The following ERI3 variants were observed in gnomAD, a reference collection of about 807,000 sequenced individuals.
ERI3 encodes ERI1 exoribonuclease family member 3.
In ERI3, 18 loss-of-function variants were observed where a neutral mutation model predicts 44.4. That is an observed-to-expected ratio of 0.41 (90% confidence interval 0.28 to 0.60). ERI3 has a LOEUF of 0.60. ERI3 is among the 20% of genes least tolerant of loss of function. The pLI is 0.36. For synonymous variants in ERI3, 183 were observed against 164.8 expected, an observed-to-expected ratio of 1.11 and a Z score of -0.84; for missense variants, 294 against 435.5, an observed-to-expected ratio of 0.68 and a Z score of 2.89.
At chr1:44,291,998 C>T (rs569008129) in intron 6 of ERI3, among the ~76,000 whole-genome samples, 37 of 152,322 alleles carry the variant, frequency 2.4e-4, no homozygotes, top group Non-Finnish European at 4.6e-4. Flanking sequence ...AGTGACTTCA[C>T]CTCCATGCCC....
At chr1:44,304,340 A>C (rs116828699) in intron 6 of ERI3, among the ~76,000 whole-genome samples, 24 of 152,330 alleles carry the variant, frequency 1.6e-4, no homozygotes, top group Admixed American at 5.9e-4. Context: ...ACCAGGATAG[A>C]GATCAAAGAA....
intron 7 of ERI3, among the ~76,000 whole-genome samples, chr1:44,261,047 A>G (rs1332764522): frequency 6.6e-6 from 1 of 152,240 alleles, no homozygotes; most frequent in African/African-American, 2.4e-5. Flanking sequence ...CAGGTCCTAG[A>G]AGCAGGCAGG....
intron 8 of ERI3, among the ~76,000 whole-genome samples, chr1:44,223,148 C>T (rs898329077): frequency 6.6e-6 from 1 of 152,146 alleles, no homozygotes; most frequent in African/African-American, 2.4e-5. Context: ...GGAAGCCATA[C>T]GGGCTGGTCT....
chr1:44,318,678 T>G (rs139784321), intron 4 of ERI3, among the ~76,000 whole-genome samples: 107 of 152,350 alleles, frequency 7.0e-4, no homozygotes, highest in African/African-American at 2.5e-3. Context: ...AACAGGCTCA[T>G]CCCCAGCCTT....
chr1:44,352,056 G>A (rs1226799395), intron 2 of ERI3, among the ~76,000 whole-genome samples: 1 of 152,160 alleles, frequency 6.6e-6, no homozygotes, highest in Non-Finnish European at 1.5e-5. Flanking sequence ...TATGGTGTCA[G>A]GGAAGGTGGC....
intron 2 of ERI3, among the ~76,000 whole-genome samples, chr1:44,350,529 T>C (rs1646867459): frequency 6.6e-6 from 1 of 152,236 alleles, no homozygotes; most frequent in South Asian, 2.1e-4. Flanking sequence ...CCCAAAGTGC[T>C]GGGATTATGA....
At chr1:44,329,309 G>A (rs146742039) in intron 3 of ERI3, among the ~76,000 whole-genome samples, 344 of 152,256 alleles carry the variant, frequency 2.3e-3, no homozygotes, top group Middle Eastern at 0.014. Flanking sequence ...CCTACTTGGG[G>A]ACTCCTTGCT....
chr1:44,299,198 T>TG (rs1344929049), intron 6 of ERI3, among the ~76,000 whole-genome samples: 7 of 151,920 alleles, frequency 4.6e-5, no homozygotes, highest in African/African-American at 1.7e-4. Flanking sequence ...TTTTTTTTTT[T>TG]AAGAGACAGG....
chr1:44,324,198 T>A (rs1381381791), intron 3 of ERI3, among the ~76,000 whole-genome samples: 1 of 152,182 alleles, frequency 6.6e-6, no homozygotes, highest in Admixed American at 6.5e-5. Flanking sequence ...GGCTGCTAAG[T>A]GGAGGAGACA....
rs1313300436 is a variant in ERI3 at position 44,241,902 on chromosome 1, T to A, written c.931+6037A>T. The A allele has an allele frequency of 2.1e-6, 2 of 968,522 alleles. No individual in the cohort carries two copies. Among genetic ancestry groups the A allele is most frequent in the East Asian group, 1.1e-4 (1 of 8,738 alleles). The allele number at this position is 968,522 out of a possible 1,614,324, so 60.0% of individuals were successfully genotyped here. On this transcript the variant is annotated intron_variant, in intron 8 of 8. Transcript: ENST00000372257. The surrounding 1 kb of genome is among the most constrained non-coding windows in gnomAD (Gnocchi z 5.6). ...TCCATCAACTCACCCACCCATCTAGTCCATCAACTCACCCATCCATCTAGC... is the reference window on the plus strand; with the variant it reads ...TCCATCAACTCACCCACCCATCTAGACCATCAACTCACCCATCCATCTAGC...
In ERI3 at chr1:44,252,348, C is replaced by T. The variant is rs1460641524; in HGVS notation, c.832-4310G>A. On this transcript the variant is annotated intron_variant, in intron 7 of 8. Coordinates refer to ENST00000372257, the MANE Select transcript of ERI3 (RefSeq NM_024066.3). This position sits in a 1 kb window ranked among gnomAD's most constrained non-coding sequence, Gnocchi z 4.7. Reference sequence around the variant, plus strand: ...AGCTGCTCCCGGCTGGCTCTCCCCTCTCGTGGCTCTGCCCGCCTTGGCTGC... The same window carrying T: ...AGCTGCTCCCGGCTGGCTCTCCCCTTTCGTGGCTCTGCCCGCCTTGGCTGC... 1.3e-5 allele frequency among the ~76,000 whole-genome samples: 2 copies of T among 152,266 alleles called. No individual in the cohort carries two copies. Among genetic ancestry groups the T allele is most frequent in the East Asian group, 3.8e-4 (2 of 5,196 alleles).
Position 44,238,255 on chromosome 1 carries a change from T to C in ERI3, c.931+9684A>G, listed in dbSNP as rs865785183. Among the ~76,000 whole-genome samples the C allele has an allele frequency of 1.6e-3, 239 of 152,000 alleles. 1 individual carries two copies. Among genetic ancestry groups the C allele is most frequent in the African/African-American group, 5.5e-3 (227 of 41,478 alleles). ...CTGCGGCAGGCGGGGCGGGGGCGTG[T>C]GCAGGCAATGAGGATGTTGTGGGGG... On this transcript the variant is annotated intron_variant, in intron 8 of 8. Transcript: ENST00000372257.
intron 8 of ERI3, among the ~76,000 whole-genome samples, chr1:44,246,524 C>A (rs1644558009): frequency 6.6e-6 from 1 of 152,252 alleles, no homozygotes; most frequent in South Asian, 2.1e-4. Context: ...TCCTCTTAGC[C>A]TGAGCCCTGG....
Position 44,231,292 on chromosome 1 carries a change from T to C in ERI3, c.932-9652A>G, listed in dbSNP as rs1044448291. Among the ~76,000 whole-genome samples the C allele has an allele frequency of 2.5e-4, 38 of 152,316 alleles. No homozygotes were observed. In the South Asian group the frequency reaches 3.3e-3, roughly 13 times the overall value. On this transcript the variant is annotated intron_variant, in intron 8 of 8. Transcript: ENST00000372257. ...GATGCCTAACCTGTCTGTATACTTT[T>C]TTTTTCACTCACTGAAACCTTAAAA... is the stretch of plus-strand genomic sequence containing the variant.
chr1:44,258,810 G>A (rs1644829743), intron 7 of ERI3, among the ~76,000 whole-genome samples: 1 of 152,128 alleles, frequency 6.6e-6, no homozygotes, highest in East Asian at 1.9e-4. Flanking sequence ...CACCCAGGAA[G>A]AAAGTAAAAA....
intron 8 of ERI3, among the ~76,000 whole-genome samples, chr1:44,244,809 C>A (rs1453160623): frequency 6.6e-6 from 1 of 152,136 alleles, no homozygotes; most frequent in Non-Finnish European, 1.5e-5. Context: ...TGAGCCCCTT[C>A]CCCACACCCG....
At chr1:44,319,876 C>T in intron 3 of ERI3, 132 bp from the exon 4 acceptor site, 1 of 676,588 alleles carries the variant, frequency 1.5e-6, no homozygotes, top group Non-Finnish European at 2.6e-6. Flanking sequence ...TCCTGCCAGG[C>T]CAAACCCAAG....
intron 3 of ERI3, among the ~76,000 whole-genome samples, chr1:44,331,085 C>G (rs1458263739): frequency 6.6e-6 from 1 of 152,128 alleles, no homozygotes; most frequent in African/African-American, 2.4e-5. Flanking sequence ...GTACCTGTTG[C>G]CAATGCTCAG....
intron 6 of ERI3, among the ~76,000 whole-genome samples, chr1:44,307,350 G>C (rs1645859367): frequency 6.6e-6 from 1 of 152,060 alleles, no homozygotes; most frequent in Non-Finnish European, 1.5e-5. Flanking sequence ...AAATGTTACT[G>C]CAGAGCTACT....
Sources: gnomAD v4.1 joint callset for allele counts (sites outside exome capture counted in the v4.1 genomes callset) on GRCh38, gnomAD v4.1.1 for gene constraint, Gnocchi (gnomAD v3.1) non-coding constraint, MANE v1.5 for transcripts, NCBI Gene and HGNC (gene_info 2026-07-23, HGNC 2026-07-21) for gene names.